PKP4: variants seen among roughly 807,000 people sequenced by gnomAD.
The protein encoded by PKP4 is plakophilin-4.
A neutral mutation model predicts 145.1 loss-of-function variants in PKP4; 90 were observed. That is an observed-to-expected ratio of 0.62 (90% CI 0.52 to 0.74). PKP4 has a LOEUF of 0.74. Among genes scored for constraint, PKP4 ranks in the 30% least tolerant of loss-of-function variants. The pLI is 0.00. For synonymous variants in PKP4, 563 were observed against 577.2 expected (o/e 0.98, Z 0.35); for missense variants, 1,340 against 1,482.7 (o/e 0.90, Z 1.58).
At chr2:158,561,793 C>CTTTT (rs758042959) in intron 2 of PKP4, among the ~76,000 whole-genome samples, 12 of 145,304 alleles carry the variant, frequency 8.3e-5, no homozygotes, top group East Asian at 2.0e-4. Flanking sequence ...TCAAGTCAGT[C>CTTTT]TTTTTTTTTT....
At chr2:158,485,314 T>G (rs1314591511) in intron 1 of PKP4, among the ~76,000 whole-genome samples, 1 of 152,226 alleles carries the variant, frequency 6.6e-6, no homozygotes, top group Non-Finnish European at 1.5e-5. Context: ...TTATTAGCCC[T>G]GTTTTACAGA....
At chr2:158,595,306 T>G (rs1156233630) in intron 3 of PKP4, among the ~76,000 whole-genome samples, 2 of 152,206 alleles carry the variant, frequency 1.3e-5, no homozygotes, top group African/African-American at 4.8e-5. Flanking sequence ...TAGATCCTAC[T>G]TCTCACCATG....
At chr2:158,668,726 G>A (rs1437232358) in intron 16 of PKP4, among the ~76,000 whole-genome samples, 1 of 152,214 alleles carries the variant, frequency 6.6e-6, no homozygotes, top group African/African-American at 2.4e-5. Context: ...TCATAGCAGT[G>A]TTTGTCGTGA....
At chr2:158,529,597 C>G (rs2043329495) in intron 1 of PKP4, among the ~76,000 whole-genome samples, 1 of 152,186 alleles carries the variant, frequency 6.6e-6, no homozygotes, top group South Asian at 2.1e-4. Context: ...AAATTGTAAG[C>G]TCACTTAAAC....
chr2:158,625,435 C>A lies in PKP4; in HGVS notation c.1153+8C>A. On this transcript the variant is annotated splice_region_variant and intron_variant, in intron 7 of 21. Coordinates refer to ENST00000389759, the MANE Select transcript of PKP4 (RefSeq NM_003628.6). ...GGCCAGACAGCCTGACAGGTGCGTACAAGGTGACAGTGCTACATAAAACCC... is the reference window on the plus strand; with the variant it reads ...GGCCAGACAGCCTGACAGGTGCGTAAAAGGTGACAGTGCTACATAAAACCC... 6.3e-7 allele frequency: 1 copy of A among 1,597,622 alleles called. No homozygotes were observed. Among genetic ancestry groups the A allele is most frequent in the Non-Finnish European group, 8.6e-7 (1 of 1,168,266 alleles).
intron 10 of PKP4, 122 bp from the exon 11 acceptor site, chr2:158,642,364 A>G: frequency 1.4e-6 from 1 of 726,734 alleles, no homozygotes; most frequent in East Asian, 2.6e-5. Flanking sequence ...TTGGAATAAA[A>G]AGTAACCTTT....
chr2:158,457,373 T>TTTCCTGCCCCGCCTCGTG (rs929364647), intron 1 of PKP4, 155 bp downstream of exon 1: 5 of 151,684 alleles, frequency 3.3e-5, no homozygotes, highest in African/African-American at 1.2e-4. Flanking sequence ...CCGCCGCGGC[T>TTTCCTGCCCCGCCTCGTG]TTCCTGCCCC....
chr2:158,653,563 A>G (rs1558957566), intron 11 of PKP4, among the ~76,000 whole-genome samples: 2 of 152,200 alleles, frequency 1.3e-5, no homozygotes, highest in Non-Finnish European at 1.5e-5. Flanking sequence ...GTTTTCTACA[A>G]TAATATGCAT....
At chr2:158,565,435 C>T (rs1459180369) in intron 2 of PKP4, among the ~76,000 whole-genome samples, 9 of 135,754 alleles carry the variant, frequency 6.6e-5, no homozygotes, top group Admixed American at 1.5e-4. Flanking sequence ...TTCTTTTTTC[C>T]TTTTTTTTTT....
intron 3 of PKP4, among the ~76,000 whole-genome samples, chr2:158,596,627 TA>T (rs3836166): frequency 5.8e-4 from 85 of 145,400 alleles, no homozygotes; most frequent in Middle Eastern, 3.5e-3. Context: ...CTTGTCTCTT[TA>T]AAAAAAAAAA....
At chr2:158,526,120 C>G (rs2042909672) in intron 1 of PKP4, among the ~76,000 whole-genome samples, 1 of 149,490 alleles carries the variant, frequency 6.7e-6, no homozygotes, top group Admixed American at 6.7e-5. Flanking sequence ...GGGAATCCTC[C>G]CTAACTCATT....
chr2:158,482,033 G>A (rs149508349), intron 1 of PKP4, among the ~76,000 whole-genome samples: 14 of 152,238 alleles, frequency 9.2e-5, no homozygotes, highest in African/African-American at 2.2e-4. Context: ...AGTTGTGATC[G>A]CTCATGCCAT....
intron 12 of PKP4, chr2:158,661,030 C>A (rs1189367053): frequency 1.1e-5 from 2 of 188,020 alleles, no homozygotes; most frequent in Non-Finnish European, 2.2e-5. Context: ...GTTATTTTCC[C>A]CCTTTTACAT....
chr2:158,531,208 ATT>A (rs1250145799), intron 1 of PKP4, among the ~76,000 whole-genome samples: 2 of 152,206 alleles, frequency 1.3e-5, no homozygotes, highest in African/African-American at 4.8e-5. Context: ...CTCCTTCTAT[ATT>A]AATAAATAAT....
intron 1 of PKP4, among the ~76,000 whole-genome samples, chr2:158,502,798 G>C (rs901991258): frequency 6.6e-6 from 1 of 152,224 alleles, no homozygotes; most frequent in Non-Finnish European, 1.5e-5. Flanking sequence ...TTTACATTTA[G>C]TACAACTTTT....
At chr2:158,565,906 A>G (rs2046944032) in intron 2 of PKP4, among the ~76,000 whole-genome samples, 1 of 152,248 alleles carries the variant, frequency 6.6e-6, no homozygotes, top group African/African-American at 2.4e-5. Context: ...TACAGATAAC[A>G]TGAAAAAAGT....
chr2:158,484,108 C>T (rs568447138), intron 1 of PKP4, among the ~76,000 whole-genome samples: 18 of 148,508 alleles, frequency 1.2e-4, no homozygotes, highest in African/African-American at 3.7e-4. Flanking sequence ...GTGGCAGTGG[C>T]GCAATCTCGG....
intron 1 of PKP4, among the ~76,000 whole-genome samples, chr2:158,458,584 T>G (rs1410490788): frequency 6.6e-6 from 1 of 152,140 alleles, no homozygotes. Flanking sequence ...GTTGTTAGAG[T>G]AATGAGCTTG....
chr2:158,560,586 T>C (rs950108516), intron 2 of PKP4, among the ~76,000 whole-genome samples: 3 of 152,216 alleles, frequency 2.0e-5, no homozygotes, highest in Admixed American at 2.0e-4. Context: ...AGAAATTACT[T>C]AATTTTTTTT....
Sources: allele counts gnomAD v4.1 joint callset (sites outside exome capture counted in the v4.1 genomes callset), GRCh38; gene constraint gnomAD v4.1.1; transcripts MANE v1.5; gene names NCBI Gene and HGNC (gene_info 2026-07-23, HGNC 2026-07-21).